The following DLG2 variants were observed in gnomAD, a reference collection of about 807,000 sequenced individuals.
The protein encoded by DLG2 is disks large homolog 2.
Under a neutral mutation model 132.5 loss-of-function variants are expected in DLG2, and 45 were observed. The observed-to-expected ratio is 0.34, with a 90% CI of 0.27 to 0.44. DLG2 has a LOEUF of 0.44. DLG2 is among the 20% of genes least tolerant of loss of function. DLG2 has a pLI of 1.00. For synonymous variants in DLG2, 424 were observed against 419.6 expected, an observed-to-expected ratio of 1.01 and a Z score of -0.13; for missense variants, 1,045 against 1,196.9, an observed-to-expected ratio of 0.87 and a Z score of 1.87.
chr11:83,594,322 T>C (rs532836376), intron 19 of DLG2, among the ~76,000 whole-genome samples: 4 of 152,336 alleles, frequency 2.6e-5, no homozygotes, highest in East Asian at 3.9e-4. Context: ...CTGATTGGTA[T>C]GTACTGTGGA....
intron 6 of DLG2, among the ~76,000 whole-genome samples, chr11:84,862,817 C>CGGGGGGGGGGGG (rs71036447): frequency 4.3e-5 from 2 of 46,178 alleles, no homozygotes; most frequent in African/African-American, 7.7e-5. Flanking sequence ...CAGGTCCTGT[C>CGGGGGGGGGGGG]GGGGGGGGGG....
At chr11:84,309,656 G>A (rs1599609618) in intron 7 of DLG2, among the ~76,000 whole-genome samples, 1 of 152,284 alleles carries the variant, frequency 6.6e-6, no homozygotes, top group East Asian at 1.9e-4. Flanking sequence ...AATAAAACCA[G>A]GTGAGGCTAC....
intron 6 of DLG2, among the ~76,000 whole-genome samples, chr11:84,987,865 A>G (rs2056667391): frequency 6.6e-6 from 1 of 152,220 alleles, no homozygotes; most frequent in Admixed American, 6.5e-5. Context: ...TTATGCAAGG[A>G]TTTCATGACC....
intron 6 of DLG2, among the ~76,000 whole-genome samples, chr11:84,621,114 G>C (rs2099613156): frequency 6.6e-6 from 1 of 152,014 alleles, no homozygotes; most frequent in South Asian, 2.1e-4. Context: ...TTAGGGAATG[G>C]GAAAAGGTAC....
chr11:84,051,775 T>TA (rs950863308), intron 11 of DLG2, among the ~76,000 whole-genome samples: 19 of 145,016 alleles, frequency 1.3e-4, no homozygotes, highest in African/African-American at 2.6e-4. Context: ...AAGTATAATA[T>TA]AAAAAAAAAG....
intron 7 of DLG2, among the ~76,000 whole-genome samples, chr11:84,502,211 C>T (rs377257163): frequency 0.18 from 264 of 1,466 alleles, 13 homozygotes; most frequent in Middle Eastern, 1. Flanking sequence ...TCCTTCCTTC[C>T]TTCCTTCCTT....
chr11:83,520,664 T>TAGAA (rs1368742399), intron 21 of DLG2, among the ~76,000 whole-genome samples: 4 of 143,258 alleles, frequency 2.8e-5, no homozygotes, highest in Admixed American at 1.4e-4. Context: ...GATAGATAGA[T>TAGAA]AGAAAGAAAG....
At chr11:83,606,646 G>A (rs1046859499) in intron 19 of DLG2, among the ~76,000 whole-genome samples, 4 of 147,440 alleles carry the variant, frequency 2.7e-5, no homozygotes, top group African/African-American at 1.1e-4. Context: ...AAAAAAAAAA[G>A]GCCGGGCGCG....
At chr11:85,210,175 T>G (rs980341795) in intron 4 of DLG2, among the ~76,000 whole-genome samples, 9 of 152,178 alleles carry the variant, frequency 5.9e-5, no homozygotes, top group Non-Finnish European at 1.2e-4. Context: ...CATATTTTTT[T>G]GGGTCAGTTT....
chr11:85,480,713 C>T (rs976242678), intron 3 of DLG2, among the ~76,000 whole-genome samples: 3 of 152,052 alleles, frequency 2.0e-5, no homozygotes, highest in Non-Finnish European at 4.4e-5. Flanking sequence ...ACCAAAAGCA[C>T]ACACAAGTCA....
intron 3 of DLG2, among the ~76,000 whole-genome samples, chr11:85,397,821 T>C (rs2087566817): frequency 6.6e-6 from 1 of 151,926 alleles, no homozygotes; most frequent in Non-Finnish European, 1.5e-5. Flanking sequence ...TCCCAAACAA[T>C]AATAATGGGT....
At chr11:85,460,510 C>T (rs2092572332) in intron 3 of DLG2, among the ~76,000 whole-genome samples, 1 of 152,210 alleles carries the variant, frequency 6.6e-6, no homozygotes. Flanking sequence ...GGCAGTTGTC[C>T]TGTCTCACTT....
chr11:84,761,942 C>T (rs1012437893), intron 6 of DLG2, among the ~76,000 whole-genome samples: 1 of 152,092 alleles, frequency 6.6e-6, no homozygotes, highest in Non-Finnish European at 1.5e-5. Context: ...AAAATGTTTT[C>T]TTATTCCTTG....
At chr11:84,117,707 A>G (rs1370646415) in intron 9 of DLG2, among the ~76,000 whole-genome samples, 1 of 152,174 alleles carries the variant, frequency 6.6e-6, no homozygotes, top group Non-Finnish European at 1.5e-5. Flanking sequence ...ATTCATTGAG[A>G]AAAAAACTAT....
intron 19 of DLG2, among the ~76,000 whole-genome samples, chr11:83,596,312 G>C (rs2153352996): frequency 6.6e-6 from 1 of 152,188 alleles, no homozygotes; most frequent in East Asian, 1.9e-4. Flanking sequence ...CCTAGTTAAT[G>C]ACATAGCCGT....
intron 5 of DLG2, among the ~76,000 whole-genome samples, chr11:85,133,825 C>T (rs924693230): frequency 6.6e-6 from 1 of 152,188 alleles, no homozygotes; most frequent in Non-Finnish European, 1.5e-5. Flanking sequence ...ATGATTAGCA[C>T]TCTCCCCTCC....
intron 19 of DLG2, among the ~76,000 whole-genome samples, chr11:83,626,866 G>A (rs2062626131): frequency 6.6e-6 from 1 of 152,174 alleles, no homozygotes; most frequent in Admixed American, 6.5e-5. Context: ...AGTTGACAGA[G>A]CTGAGCATTC....
intron 4 of DLG2, among the ~76,000 whole-genome samples, chr11:85,191,560 A>G (rs2080578645): frequency 6.6e-6 from 1 of 152,146 alleles, no homozygotes; most frequent in African/African-American, 2.4e-5. Flanking sequence ...ATATCCCATC[A>G]CTAATTTTCA....
intron 17 of DLG2, among the ~76,000 whole-genome samples, chr11:83,818,550 A>T (rs1214340293): frequency 6.6e-6 from 1 of 152,174 alleles, no homozygotes; most frequent in African/African-American, 2.4e-5. Context: ...TACATTCCAC[A>T]TAGCAAGGTG....
Sources: gnomAD v4.1 joint callset for allele counts (sites outside exome capture counted in the v4.1 genomes callset) on GRCh38, gnomAD v4.1.1 for gene constraint, MANE v1.5 for transcripts, NCBI Gene and HGNC (gene_info 2026-07-23, HGNC 2026-07-21) for gene names.